The following HYDIN variants were observed in gnomAD, a reference collection of about 807,000 sequenced individuals.
The protein encoded by HYDIN is HYDIN axonemal central pair apparatus protein.
HYDIN carries 132 observed loss-of-function variants against 403.9 expected under a neutral mutation model. The observed-to-expected ratio is 0.33, with a 90% CI of 0.28 to 0.38. The LOEUF is 0.38. Among genes scored for constraint, HYDIN ranks in the 10% least tolerant of loss-of-function variants. The pLI is 1.00. For synonymous variants in HYDIN, 1,202 were observed against 1,891.7 expected (o/e 0.64, Z 9.46); for missense variants, 2,827 against 5,009.5 (o/e 0.56, Z 13.15).
chr16:70,931,397 A>T (rs950136050), intron 45 of HYDIN, among the ~76,000 whole-genome samples: 6 of 151,354 alleles, frequency 4.0e-5, no homozygotes, highest in African/African-American at 1.5e-4. Context: ...TCCTGACAAT[A>T]TATCCACTTG....
chr16:70,959,551 GAC>G (rs1417283711), intron 39 of HYDIN, 94 bp downstream of exon 39: 1 of 419,462 alleles, frequency 2.4e-6, no homozygotes, highest in East Asian at 4.9e-5. Flanking sequence ...TATTTGCCAT[GAC>G]CACACAGCTG....
intron 15 of HYDIN, among the ~76,000 whole-genome samples, chr16:71,065,659 C>T (rs923058067): frequency 1.1e-4 from 16 of 152,126 alleles, no homozygotes; most frequent in Admixed American, 3.3e-4. Flanking sequence ...GTCTCAGAGT[C>T]CCATTTCTCT....
chr16:70,955,489 C>T lies in HYDIN; in HGVS notation c.6202G>A (p.Asp2068Asn), dbSNP rs1417788595. ...KYYNAACLSI[D>N]SIVLEAVANS... Reference sequence around the variant, plus strand: ...GCCACAGCTTCCAGCACAATGGAGTCGATGCTCAGGCAGGCTGCGTTGTAG... The same window carrying T: ...GCCACAGCTTCCAGCACAATGGAGTTGATGCTCAGGCAGGCTGCGTTGTAG... Residue 2068 changes from aspartate to asparagine, a missense_variant, in exon 40 of 86, where the codon GAC (aspartate) becomes AAC (asparagine). Transcript: ENST00000393567. 14 of 1,604,912 alleles carry T rather than the reference C, an allele frequency of 8.7e-6. No homozygotes were observed. The highest frequency in any genetic ancestry group is 2.2e-5 in the East Asian group (1 of 44,824).
intron 20 of HYDIN, among the ~76,000 whole-genome samples, chr16:71,026,727 C>T (rs1597582042): frequency 6.6e-6 from 1 of 152,222 alleles, no homozygotes. Context: ...CCTGAAAATG[C>T]TCTATGAAGA....
At chr16:70,817,898 T>C (rs1052084761) in intron 84 of HYDIN, among the ~76,000 whole-genome samples, 13 of 151,944 alleles carry the variant, frequency 8.6e-5, no homozygotes, top group African/African-American at 3.1e-4. Context: ...CCCACCACCA[T>C]GCTGGGCTAA....
intron 50 of HYDIN, among the ~76,000 whole-genome samples, chr16:70,905,421 T>C (rs1336918222): frequency 3.3e-5 from 5 of 152,028 alleles, no homozygotes; most frequent in Non-Finnish European, 5.9e-5. Flanking sequence ...GGTGGGCAGA[T>C]TGCTTGAGCT....
chr16:70,853,209 A>G (rs549879050), intron 73 of HYDIN, among the ~76,000 whole-genome samples: 1 of 152,186 alleles, frequency 6.6e-6, no homozygotes, highest in East Asian at 1.9e-4. Flanking sequence ...TTGTGACACC[A>G]CTAAATTTTG....
chr16:71,127,258 T>C (rs1299391214), intron 9 of HYDIN, among the ~76,000 whole-genome samples: 4 of 148,676 alleles, frequency 2.7e-5, no homozygotes, highest in African/African-American at 9.9e-5. Context: ...GAAAACAAAA[T>C]CATGATAGAT....
Position 71,043,197 on chromosome 16 carries a change from T to C in HYDIN, c.2530-11280A>G, listed in dbSNP as rs1231956382. Among the ~76,000 whole-genome samples, 7 of 151,092 alleles carry C rather than the reference T, an allele frequency of 4.6e-5. No individual in the cohort carries two copies. The East Asian group carries it at 9.7e-4, about 21-fold the overall frequency. On this transcript the variant is annotated intron_variant, in intron 18 of 85. Coordinates refer to ENST00000393567, the MANE Select transcript of HYDIN (RefSeq NM_001270974.2). ...TTTTTTTGGTTTTGACCATGATTTT[T>C]TTTTAATCTGGAAGTTTCTGCAGCC...
At chr16:71,200,112 A>C (rs529905999) in intron 1 of HYDIN, among the ~76,000 whole-genome samples, 54 of 152,356 alleles carry the variant, frequency 3.5e-4, no homozygotes, top group African/African-American at 1.2e-3. Context: ...TGACAGTTTA[A>C]AAATGCCATG....
chr16:70,921,692 A>G (rs2076999635), intron 45 of HYDIN, among the ~76,000 whole-genome samples: 1 of 151,904 alleles, frequency 6.6e-6, no homozygotes, highest in South Asian at 2.1e-4. Flanking sequence ...ATTAATACCT[A>G]CTCCAGAGGA....
intron 83 of HYDIN, among the ~76,000 whole-genome samples, chr16:70,823,566 T>C (rs1393768859): frequency 6.9e-6 from 1 of 143,924 alleles, no homozygotes; most frequent in Non-Finnish European, 1.5e-5. Context: ...AGGATTTTAA[T>C]GAGGTATTAA....
intron 1 of HYDIN, among the ~76,000 whole-genome samples, chr16:71,198,415 G>C (rs1442993866): frequency 1.3e-5 from 2 of 152,094 alleles, no homozygotes; most frequent in African/African-American, 4.8e-5. Flanking sequence ...TGCAGGATAG[G>C]CTCTCTGTGT....
At chr16:70,838,461 G>C (rs1597088340) in intron 76 of HYDIN, among the ~76,000 whole-genome samples, 1 of 152,148 alleles carries the variant, frequency 6.6e-6, no homozygotes, top group Admixed American at 6.6e-5. Flanking sequence ...AAAGTGCTGG[G>C]ATTACAGGCC....
At chr16:70,923,785 C>T (rs1188530591) in intron 45 of HYDIN, among the ~76,000 whole-genome samples, 2 of 146,734 alleles carry the variant, frequency 1.4e-5, no homozygotes, top group African/African-American at 5.0e-5. Context: ...CATGCCACTG[C>T]ACTCCGGCCT....
intron 9 of HYDIN, among the ~76,000 whole-genome samples, chr16:71,117,978 C>T (rs2084107843): frequency 6.6e-6 from 1 of 151,882 alleles, no homozygotes; most frequent in African/African-American, 2.4e-5. Flanking sequence ...CGGGCCATTG[C>T]TCTGTTTTTA....
intron 1 of HYDIN, 73 bp from the exon 2 acceptor site, chr16:71,186,991 C>G (rs1273491056): frequency 2.0e-6 from 2 of 985,506 alleles, no homozygotes; most frequent in African/African-American, 3.3e-5. Context: ...TTTTTTTAAG[C>G]TTTTTCAAAT....
chr16:71,065,547 T>G, intron 15 of HYDIN, among the ~76,000 whole-genome samples: 1 of 152,176 alleles, frequency 6.6e-6, no homozygotes, highest in South Asian at 2.1e-4. Flanking sequence ...TGCTTCAGTA[T>G]AGTGCAATGG....
Position 70,925,780 on chromosome 16 carries a change from C to T in HYDIN, c.7159-4563G>A, listed in dbSNP as rs1368600687. Among the ~76,000 whole-genome samples the T allele has an allele frequency of 1.1e-4, 16 of 152,056 alleles. No individual in the cohort carries two copies. In the South Asian group the frequency reaches 3.1e-3, roughly 30 times the overall value. ...AATTTACAAGAAAAAAACAAACAAC[C>T]CCATCAAAAAGTGGGCGAAGGACAT... On this transcript the variant is annotated intron_variant, in intron 45 of 85. Coordinates refer to ENST00000393567, the MANE Select transcript of HYDIN (RefSeq NM_001270974.2).
Sources: gnomAD v4.1 joint callset for allele counts (sites outside exome capture counted in the v4.1 genomes callset) on GRCh38, gnomAD v4.1.1 for gene constraint, MANE v1.5 for transcripts, NCBI Gene and HGNC (gene_info 2026-07-23, HGNC 2026-07-21) for gene names.